Variants in NCOA2 observed in about 807,000 individuals in gnomAD.
NCOA2 encodes the protein class E basic helix-loop-helix protein 75.
Under a neutral mutation model 145.1 loss-of-function variants are expected in NCOA2, and 21 were observed. The ratio of observed to expected loss-of-function variants is 0.14; its 90% confidence interval spans 0.10 to 0.21. The LOEUF is 0.21. Ranked by LOEUF, NCOA2 falls within the 10% of genes least tolerant of loss-of-function variation. The pLI is 1.00. For missense variants in NCOA2, 1,472 were observed against 1,837.6 expected, an observed-to-expected ratio of 0.80 and a Z score of 3.64; for synonymous variants, 619 against 637.5, an observed-to-expected ratio of 0.97 and a Z score of 0.44.
At chr8:70,438,169 A>G in the NCOA2 span, among the ~76,000 whole-genome samples, 2 of 152,208 alleles carry the variant, frequency 1.3e-5, no homozygotes, top group African/African-American at 4.8e-5. Flanking sequence ...AATTATCTGA[A>G]AACAATTTAG....
chr8:70,256,975 A>G (rs1823688977), intron 2 of NCOA2, among the ~76,000 whole-genome samples: 1 of 152,176 alleles, frequency 6.6e-6, no homozygotes, highest in African/African-American at 2.4e-5. Context: ...ACTGCAAAAC[A>G]CCAGTTATTT....
intron 2 of NCOA2, among the ~76,000 whole-genome samples, chr8:70,274,807 G>A (rs1825349052): frequency 6.6e-6 from 1 of 152,112 alleles, no homozygotes; most frequent in Admixed American, 6.6e-5. Flanking sequence ...AATATGAACT[G>A]AAAAGTATTC....
rs151240523 is a variant in NCOA2, at chr8:70,156,716, G to A, written c.1649C>T (p.Ser550Leu). Residue 550 changes from serine (S) to leucine (L), a missense_variant, in exon 11 of 23, where the codon TCA becomes TTA. Coordinates refer to ENST00000452400, the MANE Select transcript of NCOA2 (RefSeq NM_006540.4). ...LSEGHGVSLG[S>L]SLASPDLKMG... The stretch of plus-strand genomic sequence containing the variant: ...TTTTAGGTCTGGTGAAGCCAACGAT[G>A]ACCCTAATGAGACCCCGTGCCCCTC... 50 of 1,613,986 alleles carry A rather than the reference G, an allele frequency of 3.1e-5. No individual in the cohort carries two copies. The East Asian group carries it at 1.1e-3, about 35-fold the overall frequency.
chr8:70,456,342 T>C, the NCOA2 span, among the ~76,000 whole-genome samples: 3 of 152,056 alleles, frequency 2.0e-5, no homozygotes, highest in Non-Finnish European at 4.4e-5. Flanking sequence ...AGTGGGAGAT[T>C]AAAAGGCTGT....
intron 2 of NCOA2, among the ~76,000 whole-genome samples, chr8:70,232,112 T>C (rs1052482538): frequency 2.6e-5 from 4 of 152,060 alleles, no homozygotes; most frequent in African/African-American, 4.8e-5. Context: ...TTGAACACCA[T>C]TTTTTTGGTC....
the NCOA2 span, among the ~76,000 whole-genome samples, chr8:70,446,169 T>C: frequency 6.6e-6 from 1 of 152,144 alleles, no homozygotes; most frequent in Non-Finnish European, 1.5e-5. Context: ...CCCCTCCACA[T>C]TGCTACTTCT....
rs767458500 is a variant in NCOA2 at position 70,213,865 on chromosome 8, C to T, written c.259+38G>A. 1.4e-5 allele frequency: 21 copies of T among 1,511,442 alleles called. No homozygotes were observed. The South Asian group carries it at 2.3e-4, about 16-fold the overall frequency. The allele number at this position is 1,511,442 out of a possible 1,614,324, so 93.6% of individuals were successfully genotyped here. ...TTCTCACACAGGGAAAAACAGAAAC[C>T]AATTCAACTCTTCAAAATACTAATT... On this transcript the variant is annotated intron_variant, in intron 4 of 22. Transcript: ENST00000452400.
At chr8:70,391,473 A>G (rs1215782738) in intron 1 of NCOA2, among the ~76,000 whole-genome samples, 1 of 152,210 alleles carries the variant, frequency 6.6e-6, no homozygotes, top group African/African-American at 2.4e-5. Flanking sequence ...CTAGGCCCAG[A>G]CCTAGAGACT....
At chr8:70,422,759 T>C in the NCOA2 span, among the ~76,000 whole-genome samples, 1 of 152,324 alleles carries the variant, frequency 6.6e-6, no homozygotes, top group East Asian at 1.9e-4. Flanking sequence ...ATTCTTTTTG[T>C]GTTTTTTTTC....
At chr8:70,299,656 G>A (rs1380897) in intron 1 of NCOA2, among the ~76,000 whole-genome samples, 140,201 of 152,322 alleles carry the variant, frequency 0.92, 64,678 homozygotes, top group East Asian at 1. Context: ...AAAATTATCT[G>A]AAGTGTTGAC....
At chr8:70,220,528 C>T (rs546980094) in intron 2 of NCOA2, among the ~76,000 whole-genome samples, 68 of 152,236 alleles carry the variant, frequency 4.5e-4, no homozygotes, top group Admixed American at 1.4e-3. Context: ...ATGAGCTAGA[C>T]GGTAGGGAAG....
chr8:70,380,151 A>G (rs2131404689), intron 1 of NCOA2, among the ~76,000 whole-genome samples: 1 of 152,226 alleles, frequency 6.6e-6, no homozygotes, highest in East Asian at 1.9e-4. Context: ...CAGTAATGCC[A>G]TAAGTCAACT....
In NCOA2 at chr8:70,128,959, G is replaced by C; in HGVS notation, c.3346C>G (p.Gln1116Glu). The C allele has an allele frequency of 6.2e-7, 1 of 1,605,756 alleles. No individual in the cohort carries two copies. The highest frequency in any genetic ancestry group is 8.5e-7 in the Non-Finnish European group (1 of 1,175,706). Residue 1116 changes from glutamine (Q) to glutamate (E), a missense_variant, in exon 17 of 23, where the codon CAG (glutamine) becomes GAG (glutamate). By Grantham distance (29) the Gln-to-Glu change is conservative. Around this residue, in one of 4 missense-constraint regions of NCOA2, gnomAD observed 953 missense variants for 1,062.1 expected, o/e 0.90. Transcript: ENST00000452400. ...ATGTTGGAATCCTGACTTGAGAACT[G>C]TTCTGGATCTACTGCTTGGCTCTGG... ...VSQSQAVDPE[Q>E]FSSQDSNIML...
chr8:70,369,824 G>A (rs1256857964), intron 1 of NCOA2, among the ~76,000 whole-genome samples: 1 of 152,044 alleles, frequency 6.6e-6, no homozygotes, highest in Non-Finnish European at 1.5e-5. Context: ...GCTTGCCTAA[G>A]GAGTAAGACA....
At chr8:70,441,736 A>T in the NCOA2 span, among the ~76,000 whole-genome samples, 1 of 150,938 alleles carries the variant, frequency 6.6e-6, no homozygotes, top group Non-Finnish European at 1.5e-5. Context: ...GAAGAGAGAA[A>T]GAAACAGGAA....
intron 4 of NCOA2, among the ~76,000 whole-genome samples, chr8:70,197,862 C>CTT (rs1817497925): frequency 2.0e-5 from 3 of 148,930 alleles, no homozygotes; most frequent in Admixed American, 2.0e-4. Context: ...AAAGACAAGG[C>CTT]TTTTCTCTGT....
At chr8:70,243,401 T>C (rs1311164398) in intron 2 of NCOA2, among the ~76,000 whole-genome samples, 1 of 152,082 alleles carries the variant, frequency 6.6e-6, no homozygotes, top group Non-Finnish European at 1.5e-5. Flanking sequence ...ACAGGATAAT[T>C]ACATTTACTG....
intron 1 of NCOA2, among the ~76,000 whole-genome samples, chr8:70,398,239 C>T (rs918789653): frequency 2.0e-5 from 3 of 152,248 alleles, no homozygotes; most frequent in Admixed American, 6.5e-5. Context: ...GAGAGGATCG[C>T]CTGAGCCCAG....
intron 1 of NCOA2, among the ~76,000 whole-genome samples, chr8:70,325,690 A>G (rs1806493937): frequency 6.6e-6 from 1 of 152,192 alleles, no homozygotes; most frequent in African/African-American, 2.4e-5. Flanking sequence ...GGCGTGAGCT[A>G]TCGTGCCTGG....
Sources: gnomAD v4.1 joint callset for allele counts (sites outside exome capture counted in the v4.1 genomes callset) on GRCh38, gnomAD v4.1.1 for gene constraint, gnomAD v4.1.1 regional missense constraint, MANE v1.5 for transcripts, NCBI Gene and HGNC (gene_info 2026-07-23, HGNC 2026-07-21) for gene names.